Variants in ZDHHC23 observed in about 807,000 individuals in gnomAD.
The protein encoded by ZDHHC23 is zDHHC palmitoyltransferase 23, also known as palmitoyltransferase ZDHHC23.
Under a neutral mutation model 40.2 loss-of-function variants are expected in ZDHHC23, and 41 were observed. The ratio of observed to expected loss-of-function variants is 1.02; its 90% CI spans 0.79 to 1.32. ZDHHC23 has a LOEUF of 1.32. Ranked by LOEUF, ZDHHC23 falls within the 40% of genes most tolerant of loss-of-function variation. The pLI, the probability that ZDHHC23 is intolerant of heterozygous loss-of-function variation, is 0.00. For synonymous variants in ZDHHC23, 204 were observed against 210.2 expected (o/e 0.97, Z 0.26); for missense variants, 471 against 541.5 (o/e 0.87, Z 1.29).
chr3:113,979,136 C>T, the ZDHHC23 span: 1 of 838,022 alleles, frequency 1.2e-6, no homozygotes, highest in Non-Finnish European at 1.9e-6. Context: ...TCTGAAGGTA[C>T]ATGCAGCCTG....
At chr3:113,975,090 A>T in the ZDHHC23 span, among the ~76,000 whole-genome samples, 2 of 152,110 alleles carry the variant, frequency 1.3e-5, no homozygotes, top group Non-Finnish European at 2.9e-5. Context: ...GCATGTATGC[A>T]TTTTCTGGGG....
intron 2 of ZDHHC23, among the ~76,000 whole-genome samples, chr3:113,951,501 C>T (rs1032882789): frequency 6.6e-6 from 1 of 152,200 alleles, no homozygotes; most frequent in African/African-American, 2.4e-5. Flanking sequence ...CTGGAGCTGC[C>T]ATGGAGGGTG....
In ZDHHC23 at chr3:113,954,411, G is replaced by A. The variant is rs1229512118; in HGVS notation, c.872+1G>A. The A allele has an allele frequency of 1.3e-6, 2 of 1,571,970 alleles. No individual in the cohort carries two copies. Among genetic ancestry groups the A allele is most frequent in the East Asian group, 4.6e-5 (2 of 43,102 alleles). On this transcript the variant is annotated splice_donor_variant, in intron 3 of 4. Coordinates refer to ENST00000638807, the MANE Select transcript of ZDHHC23 (RefSeq NM_001320466.2). LOFTEE classifies it high-confidence loss of function. ...GGAGAATGGATCATCATTGTGTCTG[G>A]TATGTTGGAAACATTTGGAGACTTG... is the stretch of plus-strand genomic sequence containing the variant.
At chr3:113,964,979 T>C (rs1939964705), downstream of ZDHHC23, 1 of 431,780 alleles carries the variant, frequency 2.3e-6, no homozygotes, top group African/African-American at 2.0e-5. Context: ...AGTGAATGAC[T>C]AGCAATCCAG....
chr3:113,967,392 T>A (rs1346875857), downstream of ZDHHC23, among the ~76,000 whole-genome samples: 1 of 152,120 alleles, frequency 6.6e-6, no homozygotes. Flanking sequence ...TTTCTTTCCC[T>A]ACATTTCTCT....
rs1426028366 is a variant in ZDHHC23 at position 113,959,173 on chromosome 3, T to C, written c.*543T>C. The C allele has an allele frequency of 1.9e-6, 2 of 1,065,190 alleles. No individual in the cohort carries two copies. Among genetic ancestry groups the C allele is most frequent in the Admixed American group, 9.2e-5 (2 of 21,808 alleles). The allele number at this position is 1,065,190 out of a possible 1,614,324, so 66.0% of individuals were successfully genotyped here. ...ATGGAAATACAAAGTATTAGGAAAA[T>C]ATTATGATGGAAGAAAAACGTTTAT... On this transcript the variant is annotated 3_prime_UTR_variant, in exon 5 of 5. Transcript: ENST00000638807.
rs946708298 is a variant in ZDHHC23 at position 113,948,660 on chromosome 3, CTCTCT to C, written c.-117-21_-117-17del. ...GATGAAAACGGGACCCCCTCCCCCTCTCTCTTCTCATTTTTGATTGCTCAGGCGTT... is the reference window on the plus strand; with the variant it reads ...GATGAAAACGGGACCCCCTCCCCCTCTCTCATTTTTGATTGCTCAGGCGTT... On this transcript the variant is annotated intron_variant, in intron 1 of 4. Transcript: ENST00000638807. 3.8e-5 allele frequency: 37 copies of C among 967,624 alleles called. 1 individual carries two copies. The African/African-American group carries it at 4.6e-4, about 12-fold the overall frequency. The allele number at this position is 967,624 out of a possible 1,614,324, so 59.9% of individuals were successfully genotyped here.
At position 113,956,365 on chromosome 3, in the gene ZDHHC23, A is replaced by C. The variant is rs1208953711; in HGVS notation, c.899A>C (p.Asn300Thr). The C allele has an allele frequency of 6.2e-7, 1 of 1,614,180 alleles. No individual in the cohort carries two copies. Among genetic ancestry groups the C allele is most frequent in the Non-Finnish European group, 8.5e-7 (1 of 1,180,044 alleles). Residue 300 changes from asparagine (N) to threonine (T), a missense_variant, in exon 4 of 5, where the codon AAT (asparagine) becomes ACT (threonine). By Grantham distance (65) the Asn-to-Thr change is moderately conservative. This residue lies in a region of ZDHHC23 where 346 missense variants were observed against 399.8 expected (regional missense o/e 0.87). Transcript: ENST00000638807. ...VWINSCVGES[N>T]HQAFILALLI... ...ATAAATAGCTGCGTTGGAGAATCAA[A>C]TCATCAAGCATTTATACTTGCCCTT...
chr3:113,971,406 A>T, the ZDHHC23 span, among the ~76,000 whole-genome samples: 2 of 152,110 alleles, frequency 1.3e-5, no homozygotes, highest in Non-Finnish European at 2.9e-5. Flanking sequence ...AATTTTATTG[A>T]ATGCCTTTTT....
chr3:113,958,908 A>G lies in ZDHHC23; in HGVS notation c.*278A>G, dbSNP rs1321717743. 8.0e-7 allele frequency: 1 copy of G among 1,256,696 alleles called. No homozygotes were observed. Among genetic ancestry groups the G allele is most frequent in the Non-Finnish European group, 1.0e-6 (1 of 978,818 alleles). 77.8% of individuals were successfully genotyped at this position (1,256,696 alleles called of 1,614,324 possible). On this transcript the variant is annotated 3_prime_UTR_variant, in exon 5 of 5. Transcript: ENST00000638807. ...GAAGGATGTGGATTGCTAATGCACA[A>G]ATTGATAGAAGCAATTCCCATCCAT...
At chr3:113,978,341 A>AAGAC in the ZDHHC23 span, 1 of 1,613,166 alleles carries the variant, frequency 6.2e-7, no homozygotes, top group South Asian at 1.1e-5. Flanking sequence ...ACTGGGGATG[A>AAGAC]AGACAGAAAT....
intron 4 of ZDHHC23, chr3:113,957,587 C>T (rs1939353362): frequency 2.3e-6 from 1 of 427,130 alleles, no homozygotes; most frequent in Non-Finnish European, 4.7e-6. Context: ...CTGCTCTGTG[C>T]AGGCGATTCA....
At chr3:113,968,048 G>A (rs778114887), downstream of ZDHHC23, among the ~76,000 whole-genome samples, 9 of 152,154 alleles carry the variant, frequency 5.9e-5, no homozygotes, top group Non-Finnish European at 8.8e-5. Context: ...TGGGTGCTCA[G>A]GTTGATTCCA....
chr3:113,973,438 G>GT, the ZDHHC23 span, among the ~76,000 whole-genome samples: 3 of 151,812 alleles, frequency 2.0e-5, no homozygotes, highest in Non-Finnish European at 4.4e-5. Context: ...TTGTGTTAGT[G>GT]TTTTTTTCTT....
In ZDHHC23 at chr3:113,962,191, GA is replaced by G. The variant is rs1939731875; in HGVS notation, c.*3564del. Reference sequence around the variant, plus strand: ...CTGCAAGGGTGATGCAGGGGAGCAGGAAAGCCATCCTAAACTCACTACTGAG... The same window carrying G: ...CTGCAAGGGTGATGCAGGGGAGCAGGAAGCCATCCTAAACTCACTACTGAG... On this transcript the variant is annotated 3_prime_UTR_variant, in exon 5 of 5. Transcript: ENST00000638807. 6.6e-6 allele frequency: 1 copy of G among 152,224 alleles called. No individual in the cohort carries two copies. Among genetic ancestry groups the G allele is most frequent in the Non-Finnish European group, 1.5e-5 (1 of 68,038 alleles). The allele number at this position is 152,224 out of a possible 1,614,324, so 9.4% of individuals were successfully genotyped here.
Position 113,959,837 on chromosome 3 carries a change from T to A in ZDHHC23, c.*1207T>A, listed in dbSNP as rs1431016494. The stretch of plus-strand genomic sequence containing the variant: ...GAAACAGGGTATATGTGGTTTCCAC[T>A]ATTAATGGATTACTGTTCTTCCCTG... On this transcript the variant is annotated 3_prime_UTR_variant, in exon 5 of 5. Coordinates refer to ENST00000638807, the MANE Select transcript of ZDHHC23 (RefSeq NM_001320466.2). 2 of 1,019,930 alleles carry A rather than the reference T, an allele frequency of 2.0e-6. No individual in the cohort carries two copies. Among genetic ancestry groups the A allele is most frequent in the African/African-American group, 3.3e-5 (2 of 59,900 alleles). 63.2% of individuals were successfully genotyped at this position (1,019,930 alleles called of 1,614,324 possible).
intron 3 of ZDHHC23, among the ~76,000 whole-genome samples, chr3:113,955,278 A>G (rs994756600): frequency 6.6e-6 from 1 of 152,122 alleles, no homozygotes; most frequent in African/African-American, 2.4e-5. Context: ...AGTGCAGGGC[A>G]GCTCTTTTCT....
In ZDHHC23 at chr3:113,961,489, C is replaced by G. The variant is rs775290262; in HGVS notation, c.*2859C>G. 2 of 152,616 alleles carry G rather than the reference C, an allele frequency of 1.3e-5. No homozygotes were observed. Among genetic ancestry groups the G allele is most frequent in the Non-Finnish European group, 2.9e-5 (2 of 68,040 alleles). 9.5% of individuals were successfully genotyped at this position (152,616 alleles called of 1,614,324 possible). A position where few individuals can be genotyped will look rare whatever the true frequency, so the allele number is the denominator to read the frequency against. On this transcript the variant is annotated 3_prime_UTR_variant, in exon 5 of 5. Transcript: ENST00000638807. Reference sequence around the variant, plus strand: ...ACTTTTATGGTTCCAGCCGAGCGTTCCTGAAATGAACTGACCATTAACAGC... The same window carrying G: ...ACTTTTATGGTTCCAGCCGAGCGTTGCTGAAATGAACTGACCATTAACAGC...
downstream of ZDHHC23, among the ~76,000 whole-genome samples, chr3:113,970,119 G>T (rs1940648728): frequency 1.3e-5 from 2 of 152,022 alleles, no homozygotes; most frequent in Non-Finnish European, 2.9e-5. Flanking sequence ...TAGTTAAGGT[G>T]GGATTGTTTT....
Sources: gnomAD v4.1 joint callset for allele counts (sites outside exome capture counted in the v4.1 genomes callset) on GRCh38, gnomAD v4.1.1 for gene constraint, gnomAD v4.1.1 regional missense constraint, MANE v1.5 for transcripts, NCBI Gene and HGNC (gene_info 2026-07-23, HGNC 2026-07-21) for gene names.